The following KCNIP4 variants were observed in gnomAD, a reference collection of about 807,000 sequenced individuals.
KCNIP4 encodes the protein potassium voltage-gated channel interacting protein 4.
KCNIP4 carries 12 observed loss-of-function variants against 34.0 expected under a neutral mutation model. The ratio of observed to expected loss-of-function variants is 0.35; its 90% CI spans 0.23 to 0.57. The LOEUF (loss-of-function observed/expected upper bound fraction) is 0.57. Ranked by LOEUF, KCNIP4 falls within the 20% of genes least tolerant of loss-of-function variation. KCNIP4 has a pLI of 0.83. For missense variants in KCNIP4, 238 were observed against 311.7 expected, an observed-to-expected ratio of 0.76 and a Z score of 1.78; for synonymous variants, 124 against 102.2, an observed-to-expected ratio of 1.21 and a Z score of -1.29.
At chr4:21,314,472 C>G (rs1417000923) in intron 1 of KCNIP4, among the ~76,000 whole-genome samples, 1 of 152,176 alleles carries the variant, frequency 6.6e-6, no homozygotes, top group Non-Finnish European at 1.5e-5. Context: ...GAGGACTATT[C>G]TAGAATTCTG....
At chr4:21,922,769 G>A (rs1729004091) in intron 1 of KCNIP4, among the ~76,000 whole-genome samples, 1 of 152,148 alleles carries the variant, frequency 6.6e-6, no homozygotes, top group Admixed American at 6.5e-5. Context: ...ACAGAAGAAG[G>A]ATGACATTTG....
intron 1 of KCNIP4, among the ~76,000 whole-genome samples, chr4:21,655,147 G>A (rs986512857): frequency 2.0e-5 from 3 of 152,096 alleles, no homozygotes; most frequent in Admixed American, 1.3e-4. Flanking sequence ...TATGTGTACA[G>A]CATAACAAAT....
At chr4:21,396,283 T>C (rs565575042) in intron 1 of KCNIP4, among the ~76,000 whole-genome samples, 37 of 151,680 alleles carry the variant, frequency 2.4e-4, no homozygotes, top group Admixed American at 1.7e-3. Context: ...GGGCCGGGTG[T>C]GGTGGCTCAC....
intron 1 of KCNIP4, among the ~76,000 whole-genome samples, chr4:21,350,809 C>T (rs1167961974): frequency 6.6e-6 from 1 of 152,282 alleles, no homozygotes; most frequent in Middle Eastern, 3.4e-3. Context: ...GTCATGCTCA[C>T]TTCCCACTTA....
In KCNIP4 at chr4:21,751,699, A is replaced by ACATTTT. The variant is rs879688586; in HGVS notation, c.61+196871_61+196872insAAAATG. Among the ~76,000 whole-genome samples the ACATTTT allele has an allele frequency of 8.8e-3, 1,333 of 152,256 alleles. 19 individuals are homozygous for ACATTTT. Among genetic ancestry groups the ACATTTT allele is most frequent in the South Asian group, 0.039 (188 of 4,826 alleles). The stretch of plus-strand genomic sequence containing the variant: ...TTTGTGCCTGCCAGGTAATGTGTCC[A>ACATTTT]AGTTTTAGAAATGTAACTGGAATGC... On this transcript the variant is annotated intron_variant, in intron 1 of 8. Transcript: ENST00000382152.
intron 1 of KCNIP4, among the ~76,000 whole-genome samples, chr4:21,542,548 T>C (rs1737796368): frequency 6.6e-6 from 1 of 151,974 alleles, no homozygotes; most frequent in Admixed American, 6.6e-5. Flanking sequence ...TATTGATATT[T>C]ATAAAGCAAG....
chr4:21,548,018 T>C (rs1325922354), intron 1 of KCNIP4, among the ~76,000 whole-genome samples: 1 of 152,124 alleles, frequency 6.6e-6, no homozygotes, highest in African/African-American at 2.4e-5. Context: ...TCTGAATTTA[T>C]ATGCTATTAA....
rs147655386 is a variant in KCNIP4 at position 21,596,047 on chromosome 4, T to A, written c.61+352524A>T. Among the ~76,000 whole-genome samples, 1,294 of 152,204 alleles carry A rather than the reference T, an allele frequency of 8.5e-3. 9 individuals carry two copies. The highest frequency in any genetic ancestry group is 0.015 in the Non-Finnish European group (1,028 of 68,010). On this transcript the variant is annotated intron_variant, in intron 1 of 8. Coordinates refer to ENST00000382152, the MANE Select transcript of KCNIP4 (RefSeq NM_025221.6). ...CAAATTTGCATTAGAAGACACTTAG[T>A]TTGTCCTTAGCGCAACCAACGCCTT...
chr4:21,482,134 C>G (rs1325567429), intron 1 of KCNIP4, among the ~76,000 whole-genome samples: 1 of 76,454 alleles, frequency 1.3e-5, no homozygotes, highest in African/African-American at 7.6e-5. Context: ...GATTGCAACC[C>G]CTGCCTTTTT....
intron 2 of KCNIP4, among the ~76,000 whole-genome samples, chr4:20,864,392 TTA>T (rs529056470): frequency 2.0e-5 from 3 of 150,618 alleles, no homozygotes; most frequent in African/African-American, 7.3e-5. Context: ...TATATACATG[TTA>T]TATATATATA....
chr4:21,605,503 C>T (rs1365566370), intron 1 of KCNIP4, among the ~76,000 whole-genome samples: 5 of 151,802 alleles, frequency 3.3e-5, no homozygotes, highest in East Asian at 1.9e-4. Context: ...TTTTTTGAGA[C>T]GGAGTCTCAC....
At chr4:21,319,400 T>A (rs1714138180) in intron 1 of KCNIP4, among the ~76,000 whole-genome samples, 2 of 152,192 alleles carry the variant, frequency 1.3e-5, no homozygotes, top group South Asian at 4.1e-4. Flanking sequence ...TATAACTAGT[T>A]TTCCCCTTAT....
intron 1 of KCNIP4, among the ~76,000 whole-genome samples, chr4:21,907,066 G>A (rs1055954060): frequency 5.9e-5 from 9 of 152,072 alleles, no homozygotes; most frequent in African/African-American, 2.2e-4. Context: ...TTATGATGAA[G>A]ACTACTGCTA....
At chr4:21,230,329 G>A (rs944027788) in intron 1 of KCNIP4, among the ~76,000 whole-genome samples, 3 of 151,906 alleles carry the variant, frequency 2.0e-5, no homozygotes, top group Non-Finnish European at 4.4e-5. Flanking sequence ...AGAACTATGG[G>A]AGGATAATTA....
intron 1 of KCNIP4, among the ~76,000 whole-genome samples, chr4:21,415,451 G>A (rs1309041045): frequency 6.6e-6 from 1 of 151,928 alleles, no homozygotes; most frequent in Non-Finnish European, 1.5e-5. Flanking sequence ...GGACACATTA[G>A]GAGGCTGAGG....
intron 1 of KCNIP4, among the ~76,000 whole-genome samples, chr4:21,862,373 T>A (rs1217186625): frequency 6.6e-6 from 1 of 152,110 alleles, no homozygotes; most frequent in African/African-American, 2.4e-5. Context: ...ACAATATAAC[T>A]CAGAATAAAA....
chr4:21,865,225 A>G (rs1306040687), intron 1 of KCNIP4, among the ~76,000 whole-genome samples: 2 of 152,138 alleles, frequency 1.3e-5, no homozygotes, highest in African/African-American at 4.8e-5. Flanking sequence ...TCTGAAAGAT[A>G]GATCCCCATA....
chr4:20,965,996 C>G (rs1339083291), intron 1 of KCNIP4, among the ~76,000 whole-genome samples: 1 of 152,174 alleles, frequency 6.6e-6, no homozygotes, highest in Non-Finnish European at 1.5e-5. Flanking sequence ...CTAATTTCCT[C>G]TGTGTCTCCT....
chr4:21,549,642 C>T (rs749457386), intron 1 of KCNIP4, among the ~76,000 whole-genome samples: 38 of 152,156 alleles, frequency 2.5e-4, no homozygotes, highest in Admixed American at 1.2e-3. Context: ...TACCCAGCCC[C>T]AGCAATTCCT....
Sources: allele counts gnomAD v4.1 joint callset (sites outside exome capture counted in the v4.1 genomes callset), GRCh38; gene constraint gnomAD v4.1.1; transcripts MANE v1.5; gene names NCBI Gene and HGNC (gene_info 2026-07-23, HGNC 2026-07-21).